DNAH6: variants seen among roughly 807,000 people sequenced by gnomAD.
DNAH6 encodes axonemal beta dynein heavy chain 6.
Under a neutral mutation model 491.4 loss-of-function variants are expected in DNAH6, and 340 were observed. The ratio of observed to expected loss-of-function variants is 0.69; its 90% CI spans 0.63 to 0.76. The LOEUF is 0.76. Among genes scored for constraint, DNAH6 ranks in the 30% least tolerant of loss-of-function variants. The pLI is 0.00. For synonymous variants in DNAH6, 1,603 were observed against 1,686.1 expected, an observed-to-expected ratio of 0.95 and a Z score of 1.21; for missense variants, 4,443 against 4,972.2, an observed-to-expected ratio of 0.89 and a Z score of 3.20.
the DNAH6 span, among the ~76,000 whole-genome samples, chr2:84,470,684 C>G: frequency 6.6e-6 from 1 of 152,162 alleles, no homozygotes; most frequent in East Asian, 1.9e-4. Flanking sequence ...CGTATCTCAT[C>G]CTGTGACTTA....
intron 13 of DNAH6, among the ~76,000 whole-genome samples, chr2:84,578,287 A>T (rs1479104590): frequency 1.3e-5 from 2 of 152,120 alleles, no homozygotes; most frequent in African/African-American, 4.8e-5. Flanking sequence ...AAATATATAT[A>T]TAATTATGTA....
chr2:84,637,211 T>C lies in DNAH6; in HGVS notation c.4655T>C (p.Leu1552Pro), dbSNP rs1688965952. The change falls in exon 31 of 77, where the codon CTC (leucine) becomes CCC (proline). Residue 1552 changes from leucine (L) to proline (P), a missense_variant and splice_region_variant. By Grantham distance (98) the Leu-to-Pro change is moderately conservative (BLOSUM62 -3). Transcript: ENST00000389394. The part of the protein sequence containing the change: ...ITIRNAKAAK[L>P]SRFMFEGREI... ...AACTTATATTTTATCTTCGAACAGC[T>C]CTCTAGATTCATGTTTGAGGGGCGG... 4 of 1,538,838 alleles carry C rather than the reference T, an allele frequency of 2.6e-6. No homozygotes were observed. Among genetic ancestry groups the C allele is most frequent in the Non-Finnish European group, 3.5e-6 (4 of 1,140,228 alleles).
chr2:84,643,956 C>T (rs1317228791), intron 33 of DNAH6, among the ~76,000 whole-genome samples: 3 of 151,722 alleles, frequency 2.0e-5, no homozygotes, highest in Middle Eastern at 3.2e-3. Flanking sequence ...TAGTATGCCT[C>T]ATAATATTTT....
chr2:84,510,793 G>C, the DNAH6 span, among the ~76,000 whole-genome samples: 1 of 152,178 alleles, frequency 6.6e-6, no homozygotes, highest in Non-Finnish European at 1.5e-5. Flanking sequence ...CCTTCTAACA[G>C]TCAGGACCCT....
intron 64 of DNAH6, chr2:84,778,361 A>G (rs1676358282): frequency 2.7e-6 from 1 of 367,088 alleles, no homozygotes; most frequent in African/African-American, 2.1e-5. Flanking sequence ...TGGGGTCCCA[A>G]TTTCATTTAG....
the DNAH6 span, among the ~76,000 whole-genome samples, chr2:84,509,666 G>A: frequency 1.3e-5 from 2 of 152,146 alleles, no homozygotes; most frequent in Non-Finnish European, 1.5e-5. Flanking sequence ...TTTCTTCCTA[G>A]CCTCGATGGT....
intron 64 of DNAH6, among the ~76,000 whole-genome samples, chr2:84,780,858 G>A (rs1424753913): frequency 1.3e-5 from 2 of 151,736 alleles, no homozygotes; most frequent in Admixed American, 1.3e-4. Context: ...CTTTGTTTCT[G>A]GGTGCTTTCA....
intron 15 of DNAH6, among the ~76,000 whole-genome samples, chr2:84,585,232 G>A (rs924980561): frequency 1.3e-5 from 2 of 152,130 alleles, no homozygotes; most frequent in African/African-American, 4.8e-5. Flanking sequence ...ACACATCTAT[G>A]TATCCACTAC....
intron 29 of DNAH6, 97 bp from the exon 30 acceptor site, chr2:84,634,407 A>G: frequency 7.9e-7 from 1 of 1,266,324 alleles, no homozygotes; most frequent in East Asian, 3.0e-5. Context: ...ATTTGCAGAT[A>G]CCACCTCTTT....
intron 21 of DNAH6, among the ~76,000 whole-genome samples, chr2:84,611,300 T>A (rs961573425): frequency 6.6e-6 from 1 of 152,000 alleles, no homozygotes; most frequent in Non-Finnish European, 1.5e-5. Flanking sequence ...AGAAACAAAC[T>A]TTTTTTTCGT....
At chr2:84,791,826 T>A (rs535344970) in intron 68 of DNAH6, among the ~76,000 whole-genome samples, 2 of 152,108 alleles carry the variant, frequency 1.3e-5, no homozygotes, top group South Asian at 2.1e-4. Flanking sequence ...AATGGCGAGT[T>A]TTTTTAGGCA....
intron 4 of DNAH6, among the ~76,000 whole-genome samples, chr2:84,536,119 C>G (rs532052156): frequency 6.6e-6 from 1 of 152,060 alleles, no homozygotes; most frequent in African/African-American, 2.4e-5. Context: ...AACCACATAA[C>G]CATTTGTTTT....
At chr2:84,602,400 G>T (rs1442412618) in intron 18 of DNAH6, among the ~76,000 whole-genome samples, 1 of 149,894 alleles carries the variant, frequency 6.7e-6, no homozygotes, top group Non-Finnish European at 1.5e-5. Context: ...TAATTTGGAG[G>T]TATTCTTTTC....
chr2:84,586,938 T>C (rs570840644), intron 15 of DNAH6, among the ~76,000 whole-genome samples: 35 of 152,312 alleles, frequency 2.3e-4, no homozygotes, highest in South Asian at 8.3e-4. Flanking sequence ...TGTATAATCA[T>C]GCATTTTTTA....
At chr2:84,770,971 CA>C (rs1675546571) in intron 64 of DNAH6, among the ~76,000 whole-genome samples, 2 of 149,624 alleles carry the variant, frequency 1.3e-5, no homozygotes, top group East Asian at 3.9e-4. Flanking sequence ...GCCTATGTGG[CA>C]GAGCAAGATC....
At chr2:84,760,728 C>A (rs1297334090) in intron 63 of DNAH6, among the ~76,000 whole-genome samples, 2 of 152,108 alleles carry the variant, frequency 1.3e-5, no homozygotes, top group Non-Finnish European at 2.9e-5. Flanking sequence ...ATTAGTGCAA[C>A]CTCCATGGAA....
intron 26 of DNAH6, among the ~76,000 whole-genome samples, chr2:84,623,961 T>C (rs778427739): frequency 1.3e-5 from 2 of 152,204 alleles, no homozygotes; most frequent in Non-Finnish European, 2.9e-5. Flanking sequence ...TGGGCTTTCC[T>C]CGAGGCAAAT....
chr2:84,677,112 G>A lies in DNAH6; in HGVS notation c.6720G>A (p.Glu2240=). Reference sequence around the variant, plus strand: ...TGCTGTGCCTCCCAATGCCCTCAGAGCACAGTCTGAAACAGATTTTTCAGG... The same window carrying A: ...TGCTGTGCCTCCCAATGCCCTCAGAACACAGTCTGAAACAGATTTTTCAGG... ...FSMLCLPMPS[E]HSLKQIFQAI... Residue 2240 remains glutamate, a synonymous_variant, in exon 41 of 77, where the codon GAG becomes GAA. Coordinates refer to ENST00000389394, the MANE Select transcript of DNAH6 (RefSeq NM_001370.2). 6.4e-7 allele frequency: 1 copy of A among 1,551,710 alleles called. No individual in the cohort carries two copies. The highest frequency in any genetic ancestry group is 8.7e-7 in the Non-Finnish European group (1 of 1,146,962).
At chr2:84,647,619 A>T (rs765409256) in intron 33 of DNAH6, among the ~76,000 whole-genome samples, 1 of 152,224 alleles carries the variant, frequency 6.6e-6, no homozygotes, top group African/African-American at 2.4e-5. Flanking sequence ...CAAGGCATGG[A>T]TGACAGTATG....
Sources: gnomAD v4.1 joint callset for allele counts (sites outside exome capture counted in the v4.1 genomes callset) on GRCh38, gnomAD v4.1.1 for gene constraint, MANE v1.5 for transcripts, NCBI Gene and HGNC (gene_info 2026-07-23, HGNC 2026-07-21) for gene names.